SLCO6A1: variants seen among roughly 807,000 people sequenced by gnomAD.
SLCO6A1 encodes the protein solute carrier organic anion transporter family member 6A1, also known as cancer/testis antigen 48.
A neutral mutation model predicts 72.7 loss-of-function variants in SLCO6A1; 65 were observed. The observed-to-expected ratio is 0.89, with a 90% CI of 0.73 to 1.10. The LOEUF (loss-of-function observed/expected upper bound fraction) is 1.10, where lower values mean the gene tolerates loss of function less well. Ranked by LOEUF, SLCO6A1 falls within the 50% of genes least tolerant of loss-of-function variation. The pLI is 0.00. For synonymous variants in SLCO6A1, 314 were observed against 298.2 expected (o/e 1.05, Z -0.55); for missense variants, 874 against 872.6 (o/e 1.00, Z -0.02).
At chr5:102,430,268 C>A (rs1749141794) in intron 7 of SLCO6A1, among the ~76,000 whole-genome samples, 1 of 152,060 alleles carries the variant, frequency 6.6e-6, no homozygotes, top group Admixed American at 6.6e-5. Context: ...GTTTGGCTTC[C>A]TCTCTTTTTA....
At chr5:102,489,773 T>C (rs1337345255) in intron 1 of SLCO6A1, among the ~76,000 whole-genome samples, 7 of 152,214 alleles carry the variant, frequency 4.6e-5, no homozygotes. Flanking sequence ...AAAATCAGTA[T>C]GTCAAAGAAA....
At chr5:102,444,064 T>G (rs1749983211) in intron 6 of SLCO6A1, among the ~76,000 whole-genome samples, 2 of 152,304 alleles carry the variant, frequency 1.3e-5, no homozygotes, top group African/African-American at 4.8e-5. Flanking sequence ...TTAGGCTAGG[T>G]ACTCCTACAT....
At position 102,402,556 on chromosome 5, in the gene SLCO6A1, A is replaced by G. The variant is rs1414830792; in HGVS notation, c.1627-2814T>C. Among the ~76,000 whole-genome samples, 3 of 152,182 alleles carry G rather than the reference A, an allele frequency of 2.0e-5. No homozygotes were observed. The East Asian group carries it at 5.8e-4, about 29-fold the overall frequency. On this transcript the variant is annotated intron_variant, in intron 9 of 13. Coordinates refer to ENST00000506729, the MANE Select transcript of SLCO6A1 (RefSeq NM_173488.5). Reference sequence around the variant, plus strand: ...TTTCTCATAATTCTGAAGGCTGGCAAGTCTAATATGAAGATGGTGGCATCT... The same window carrying G: ...TTTCTCATAATTCTGAAGGCTGGCAGGTCTAATATGAAGATGGTGGCATCT...
chr5:102,425,104 T>C (rs892545768), intron 7 of SLCO6A1, among the ~76,000 whole-genome samples: 4 of 152,168 alleles, frequency 2.6e-5, no homozygotes, highest in East Asian at 1.9e-4. Context: ...AAACTAGGTA[T>C]TGATGGAGCA....
chr5:102,426,967 A>AG (rs34907427), intron 7 of SLCO6A1, among the ~76,000 whole-genome samples: 98,272 of 151,826 alleles, frequency 0.65, 32,015 homozygotes, highest in African/African-American at 0.67. Context: ...TGTCCTTTGC[A>AG]GGTCATGGAT....
intron 12 of SLCO6A1, among the ~76,000 whole-genome samples, chr5:102,374,079 C>A (rs1745644659): frequency 6.6e-6 from 1 of 150,796 alleles, no homozygotes; most frequent in Non-Finnish European, 1.5e-5. Context: ...ACTCTGTCAC[C>A]CAGGCTGGAG....
intron 2 of SLCO6A1, among the ~76,000 whole-genome samples, chr5:102,479,293 T>G (rs146636518): frequency 0.01 from 1,582 of 152,304 alleles, 18 homozygotes; most frequent in Non-Finnish European, 0.015. Context: ...CACTATGATT[T>G]TAAGTTTCCT....
intron 4 of SLCO6A1, among the ~76,000 whole-genome samples, chr5:102,468,047 G>T (rs926435265): frequency 1.3e-5 from 2 of 151,982 alleles, no homozygotes; most frequent in Non-Finnish European, 2.9e-5. Context: ...TCATCGTTCA[G>T]TTCAAAGAAA....
chr5:102,421,467 T>C lies in SLCO6A1; in HGVS notation c.1277-1446A>G, dbSNP rs756555184. Among the ~76,000 whole-genome samples the C allele has an allele frequency of 7.4e-4, 112 of 151,982 alleles. 1 individual carries two copies. Among genetic ancestry groups the C allele is most frequent in the Non-Finnish European group, 3.2e-4 (22 of 67,982 alleles). ...GCATCTGCCATTACTGAGGCTTGAG[T>C]AGGCAGTTTTCCCCTCACAGTGTAA... On this transcript the variant is annotated intron_variant, in intron 7 of 13. Transcript: ENST00000506729.
At chr5:102,399,935 GCA>G (rs1491360810) in intron 9 of SLCO6A1, among the ~76,000 whole-genome samples, 193 bp from the exon 10 acceptor site, 1 of 115,920 alleles carries the variant, frequency 8.6e-6, no homozygotes, top group Admixed American at 8.7e-5. Context: ...ATTTTACATG[GCA>G]AAAAATCTGT....
rs530920170 is a variant in SLCO6A1, at chr5:102,495,350, T to G, written c.358+3137A>C. ...GGCTTATGCCTGTAATTCCAGCACTTTGGGAGGCCGCGGTGGGCGGATCAC... is the reference window on the plus strand; with the variant it reads ...GGCTTATGCCTGTAATTCCAGCACTGTGGGAGGCCGCGGTGGGCGGATCAC... On this transcript the variant is annotated intron_variant, in intron 1 of 13. Transcript: ENST00000506729. Among the ~76,000 whole-genome samples the G allele has an allele frequency of 2.0e-5, 3 of 152,330 alleles. No homozygotes were observed. The East Asian group carries it at 5.8e-4, about 29-fold the overall frequency.
chr5:102,483,844 G>T, intron 1 of SLCO6A1, among the ~76,000 whole-genome samples: 1 of 152,116 alleles, frequency 6.6e-6, no homozygotes, highest in Non-Finnish European at 1.5e-5. Flanking sequence ...AATTCTCAAG[G>T]TTTCTTTTTT....
At chr5:102,395,401 C>T (rs6596481) in intron 10 of SLCO6A1, among the ~76,000 whole-genome samples, 97,635 of 150,342 alleles carry the variant, frequency 0.65, 31,858 homozygotes, top group African/African-American at 0.69. Flanking sequence ...TAGTATTCCA[C>T]GGTGTATATG....
chr5:102,463,030 C>T (rs1449338869), intron 4 of SLCO6A1, among the ~76,000 whole-genome samples: 3 of 152,050 alleles, frequency 2.0e-5, no homozygotes, highest in Non-Finnish European at 4.4e-5. Flanking sequence ...GCATATGACA[C>T]AGGACTAATA....
intron 1 of SLCO6A1, among the ~76,000 whole-genome samples, chr5:102,492,781 A>G (rs143185012): frequency 0.017 from 2,608 of 152,176 alleles, 33 homozygotes; most frequent in African/African-American, 0.033. Flanking sequence ...ACGAAGCCTC[A>G]CTCATTGCTA....
intron 6 of SLCO6A1, among the ~76,000 whole-genome samples, chr5:102,457,792 C>T (rs1250147915): frequency 1.3e-5 from 2 of 152,148 alleles, no homozygotes; most frequent in Admixed American, 1.3e-4. Context: ...GCTATAAAGA[C>T]ACATGCACAT....
intron 1 of SLCO6A1, among the ~76,000 whole-genome samples, chr5:102,497,288 G>A (rs1752950458): frequency 6.6e-6 from 1 of 152,156 alleles, no homozygotes; most frequent in African/African-American, 2.4e-5. Flanking sequence ...TCATAGATGA[G>A]GAAAAAAGAT....
intron 8 of SLCO6A1, among the ~76,000 whole-genome samples, chr5:102,416,466 C>T (rs1394297643): frequency 1.3e-5 from 2 of 151,942 alleles, no homozygotes; most frequent in Non-Finnish European, 2.9e-5. Flanking sequence ...TTAAGTGAAA[C>T]AAGCCAGACA....
At chr5:102,372,699 AAG>A (rs1451938767) in intron 13 of SLCO6A1, among the ~76,000 whole-genome samples, 1 of 151,498 alleles carries the variant, frequency 6.6e-6, no homozygotes. Flanking sequence ...AAAAAGGAAA[AAG>A]GTAACAAAAA....
Sources: gnomAD v4.1 joint callset for allele counts (sites outside exome capture counted in the v4.1 genomes callset) on GRCh38, gnomAD v4.1.1 for gene constraint, MANE v1.5 for transcripts, NCBI Gene and HGNC (gene_info 2026-07-23, HGNC 2026-07-21) for gene names.